ST6GALNAC3: variants seen among roughly 807,000 people sequenced by gnomAD.
The protein encoded by ST6GALNAC3 is alpha-N-acetylgalactosaminide alpha-2,6-sialyltransferase 3.
ST6GALNAC3 carries 25 observed loss-of-function variants against 32.7 expected under a neutral mutation model. The ratio of observed to expected loss-of-function variants is 0.76; its 90% confidence interval spans 0.56 to 1.07. The LOEUF is 1.07. Ranked by LOEUF, ST6GALNAC3 falls within the 50% of genes least tolerant of loss-of-function variation. The pLI, the probability that ST6GALNAC3 is intolerant of heterozygous loss-of-function variation, is 0.00. For missense variants in ST6GALNAC3, 355 were observed against 382.4 expected, an observed-to-expected ratio of 0.93 and a Z score of 0.60; for synonymous variants, 129 against 133.1, an observed-to-expected ratio of 0.97 and a Z score of 0.21.
At chr1:76,095,446 A>G (rs2100759912) in intron 1 of ST6GALNAC3, among the ~76,000 whole-genome samples, 1 of 152,248 alleles carries the variant, frequency 6.6e-6, no homozygotes, top group South Asian at 2.1e-4. Flanking sequence ...GTTTAGAAAG[A>G]CTGGTTAATT....
chr1:76,189,712 T>C (rs1653784251), intron 1 of ST6GALNAC3, among the ~76,000 whole-genome samples: 1 of 148,196 alleles, frequency 6.7e-6, no homozygotes, highest in African/African-American at 2.4e-5. Context: ...CCTCCCACCA[T>C]GTGGAGGTAT....
intron 1 of ST6GALNAC3, among the ~76,000 whole-genome samples, chr1:76,180,579 C>T (rs1357239784): frequency 6.6e-6 from 1 of 152,040 alleles, no homozygotes; most frequent in Admixed American, 6.5e-5. Context: ...CCCATATAAA[C>T]CCTGAACCCC....
intron 1 of ST6GALNAC3, among the ~76,000 whole-genome samples, chr1:76,258,782 A>G (rs1371812609): frequency 6.6e-6 from 1 of 152,174 alleles, no homozygotes; most frequent in African/African-American, 2.4e-5. Flanking sequence ...AGTGAGCCCA[A>G]ATGAAGTGTT....
rs1649316818 is a variant in ST6GALNAC3, at chr1:76,631,912, A to G, written c.*3106A>G. 1 of 152,098 alleles carries G rather than the reference A, an allele frequency of 6.6e-6. No homozygotes were observed. 9.4% of individuals were successfully genotyped at this position (152,098 alleles called of 1,614,324 possible). On this transcript the variant is annotated 3_prime_UTR_variant, in exon 5 of 5. Transcript: ENST00000328299. The stretch of plus-strand genomic sequence containing the variant: ...CAATTTAACCAAGTGAGAAGTAGCA[A>G]TGATTTACATTGTTATGATGATAAT...
At chr1:76,185,735 G>T (rs970390906) in intron 1 of ST6GALNAC3, among the ~76,000 whole-genome samples, 2 of 152,166 alleles carry the variant, frequency 1.3e-5, no homozygotes, top group African/African-American at 4.8e-5. Flanking sequence ...CATGGTCCCT[G>T]CCCTCTTGGA....
chr1:76,617,973 G>A (rs1416150125), intron 3 of ST6GALNAC3, among the ~76,000 whole-genome samples: 3 of 152,196 alleles, frequency 2.0e-5, no homozygotes, highest in Non-Finnish European at 4.4e-5. Context: ...TATGGCTGAA[G>A]TTCTAAAATG....
intron 1 of ST6GALNAC3, among the ~76,000 whole-genome samples, chr1:76,112,062 T>A (rs1367824690): frequency 7.9e-5 from 10 of 126,218 alleles, no homozygotes; most frequent in African/African-American, 2.3e-4. Flanking sequence ...CTGGCCGGGC[T>A]GGGGGCTGAC....
chr1:76,390,710 T>G (rs1412399607), intron 2 of ST6GALNAC3, among the ~76,000 whole-genome samples: 1 of 152,074 alleles, frequency 6.6e-6, no homozygotes, highest in Non-Finnish European at 1.5e-5. Flanking sequence ...TGCCAGGAGT[T>G]TGTGTGCCAA....
intron 1 of ST6GALNAC3, among the ~76,000 whole-genome samples, chr1:76,295,167 C>T (rs1447802933): frequency 6.6e-6 from 1 of 151,800 alleles, no homozygotes; most frequent in African/African-American, 2.4e-5. Flanking sequence ...TTTTTTCCCA[C>T]CAGGGAGCCT....
At chr1:76,435,222 A>G (rs1160379346) in intron 3 of ST6GALNAC3, among the ~76,000 whole-genome samples, 1 of 152,180 alleles carries the variant, frequency 6.6e-6, no homozygotes, top group Non-Finnish European at 1.5e-5. Context: ...TTGGTTAGGA[A>G]TATTTTAAAA....
intron 2 of ST6GALNAC3, among the ~76,000 whole-genome samples, chr1:76,323,431 A>G (rs1232864924): frequency 6.6e-6 from 1 of 152,174 alleles, no homozygotes; most frequent in Non-Finnish European, 1.5e-5. Flanking sequence ...CAAAGTATTG[A>G]TTCTATGCTA....
intron 1 of ST6GALNAC3, among the ~76,000 whole-genome samples, chr1:76,307,344 A>G (rs1346123582): frequency 6.6e-6 from 1 of 152,174 alleles, no homozygotes; most frequent in Non-Finnish European, 1.5e-5. Flanking sequence ...TTGCTACTTC[A>G]ACTTTGTGCA....
chr1:76,415,686 G>A (rs1297850343), intron 3 of ST6GALNAC3, among the ~76,000 whole-genome samples: 4 of 151,626 alleles, frequency 2.6e-5, no homozygotes, highest in Non-Finnish European at 4.4e-5. Flanking sequence ...GGCTTTTTTT[G>A]TACATATTCC....
At chr1:76,552,301 C>T (rs1664685620) in intron 3 of ST6GALNAC3, among the ~76,000 whole-genome samples, 1 of 152,196 alleles carries the variant, frequency 6.6e-6, no homozygotes, top group Admixed American at 6.5e-5. Flanking sequence ...CTCTCACTTA[C>T]CCTTTCCCCC....
chr1:76,228,486 C>T (rs1023364128), intron 1 of ST6GALNAC3, among the ~76,000 whole-genome samples: 1 of 152,122 alleles, frequency 6.6e-6, no homozygotes, highest in Non-Finnish European at 1.5e-5. Context: ...TGTGAAGCCC[C>T]CTTTCAAATT....
chr1:76,496,277 T>C (rs1004488433), intron 3 of ST6GALNAC3, among the ~76,000 whole-genome samples: 1 of 152,150 alleles, frequency 6.6e-6, no homozygotes, highest in Admixed American at 6.6e-5. Context: ...AGCTGCTTGT[T>C]AGTTATCACA....
chr1:76,387,726 G>A (rs1652207980), intron 2 of ST6GALNAC3, among the ~76,000 whole-genome samples: 1 of 152,084 alleles, frequency 6.6e-6, no homozygotes, highest in African/African-American at 2.4e-5. Flanking sequence ...GATATAGGTA[G>A]GGTATTCTGT....
intron 3 of ST6GALNAC3, among the ~76,000 whole-genome samples, chr1:76,610,527 T>C (rs1248433966): frequency 6.6e-6 from 1 of 151,766 alleles, no homozygotes; most frequent in East Asian, 1.9e-4. Context: ...GGGAACAAAG[T>C]GGGGTGACAA....
intron 1 of ST6GALNAC3, among the ~76,000 whole-genome samples, chr1:76,237,284 C>A (rs944491713): frequency 1.3e-5 from 2 of 152,160 alleles, no homozygotes; most frequent in African/African-American, 4.8e-5. Context: ...CAGATGCCCG[C>A]CACCACGCCG....
Sources: allele counts gnomAD v4.1 joint callset (sites outside exome capture counted in the v4.1 genomes callset), GRCh38; gene constraint gnomAD v4.1.1; transcripts MANE v1.5; gene names NCBI Gene and HGNC (gene_info 2026-07-23, HGNC 2026-07-21).